The following KIFC2 variants were observed in gnomAD, a reference collection of about 807,000 sequenced individuals.
KIFC2 encodes the protein kinesin family member C2, also known as kinesin-like protein KIFC2.
KIFC2 carries 94 observed loss-of-function variants against 91.5 expected under a neutral mutation model. The observed-to-expected ratio is 1.03, with a 90% CI of 0.87 to 1.22. The LOEUF (loss-of-function observed/expected upper bound fraction) is 1.22, where lower values mean the gene tolerates loss of function less well. KIFC2 is among the 50% of genes most tolerant of loss of function. The probability of loss-of-function intolerance (pLI) is 0.00; values close to 1 mark genes in which losing one functional copy is unlikely to be tolerated. For missense variants in KIFC2, 1,357 were observed against 1,103.3 expected (o/e 1.23, Z -3.26); for synonymous variants, 729 against 503.9 (o/e 1.45, Z -5.98).
rs1359699630 is a variant in KIFC2, at chr8:144,472,680, C to G, written c.1835C>G (p.Ser612Cys). 1 of 1,595,740 alleles carries G rather than the reference C, an allele frequency of 6.3e-7. No homozygotes were observed. The highest frequency in any genetic ancestry group is 8.5e-7 in the Non-Finnish European group (1 of 1,178,134). ...GTCACGCTGACGCTGCGCGCGGCGT[C>G]TCCACCGCGCGCTCCAGGCACCGCA... ...ALVTLTLRAA[S>C]PPRAPGTAGT... Residue 612 changes from serine to cysteine, a missense_variant, in exon 16 of 18, where the codon TCT becomes TGT. Transcript: ENST00000645548.
intron 1 of KIFC2, 106 bp from the exon 2 acceptor site, chr8:144,466,654 C>T: frequency 6.6e-6 from 7 of 1,055,836 alleles, no homozygotes; most frequent in Non-Finnish European, 8.9e-6. Flanking sequence ...GGCCCCGATG[C>T]TGGAAGCGTA....
Position 144,466,535 on chromosome 8 carries a change from G to A in KIFC2, c.99+17G>A, listed in dbSNP as rs1283676909. 5 of 1,186,264 alleles carry A rather than the reference G, an allele frequency of 4.2e-6. No individual in the cohort carries two copies. Among genetic ancestry groups the A allele is most frequent in the South Asian group, 6.0e-5 (2 of 33,144 alleles). The allele number at this position is 1,186,264 out of a possible 1,614,324, so 73.5% of individuals were successfully genotyped here. On this transcript the variant is annotated intron_variant, in intron 1 of 17. Coordinates refer to ENST00000645548, the MANE Select transcript of KIFC2 (RefSeq NM_001369769.2). ...CCCGCCCAGGTGAGCGGGGCTGGCC[G>A]TGCAGCCCGTCGTCTCCCGCCGCCT...
At chr8:144,469,677 C>G in intron 12 of KIFC2, 30 bp downstream of exon 12, 2 of 1,557,846 alleles carry the variant, frequency 1.3e-6, no homozygotes, top group Non-Finnish European at 1.7e-6. Context: ...GCCATCCTGA[C>G]CCTTTTTCAG....
intron 5 of KIFC2, 27 bp downstream of exon 5, chr8:144,467,657 T>A: frequency 6.2e-7 from 1 of 1,605,128 alleles, no homozygotes; most frequent in East Asian, 2.2e-5. Flanking sequence ...CAGAAGGGAT[T>A]GCCGGCTGGG....
intron 1 of KIFC2, 117 bp from the exon 2 acceptor site, chr8:144,466,643 C>A: frequency 2.0e-6 from 2 of 990,862 alleles, no homozygotes; most frequent in Non-Finnish European, 2.7e-6. Flanking sequence ...ACCCTCGGCT[C>A]GGCCCCGATG....
At position 144,467,232 on chromosome 8, in the gene KIFC2, G is replaced by T. The variant is rs763238597; in HGVS notation, c.360G>T (p.Val120=). Residue 120 remains valine (V), a synonymous_variant, in exon 4 of 18, where the codon GTG becomes GTT. Transcript: ENST00000645548. ...GCGAGGTCCCCTCACTGTTGACAGT[G>T]ACCAGTCAGCTCTTGGCCCTTCTGG... is the stretch of plus-strand genomic sequence containing the variant. The part of the protein sequence containing the change: ...QSGEVPSLLT[V]TSQLLALLAW... The T allele has an allele frequency of 2.5e-6, 4 of 1,613,696 alleles. No homozygotes were observed. The highest frequency in any genetic ancestry group is 3.4e-6 in the Non-Finnish European group (4 of 1,180,032).
At position 144,473,188 on chromosome 8, in the gene KIFC2, C is replaced by T. The variant is rs1362754964; in HGVS notation, c.2175C>T (p.Asp725=). The T allele has an allele frequency of 2.5e-6, 4 of 1,582,440 alleles. No homozygotes were observed. The highest frequency in any genetic ancestry group is 2.6e-6 in the Non-Finnish European group (3 of 1,165,074). The change falls in exon 18 of 18, where the codon GAC becomes GAT. Residue 725 remains aspartate, a synonymous_variant. Coordinates refer to ENST00000645548, the MANE Select transcript of KIFC2 (RefSeq NM_001369769.2). The part of the protein sequence containing the change: ...GETVCSLKFA[D]RVGQVELGPA... The stretch of plus-strand genomic sequence containing the variant: ...CAGTCTGCTCCCTCAAGTTCGCCGA[C>T]CGAGTGGGTCAAGTGGAGCTGGGGC...
At chr8:144,471,895 C>G in intron 12 of KIFC2, 47 bp from the exon 13 acceptor site, 1 of 1,567,344 alleles carries the variant, frequency 6.4e-7, no homozygotes, top group Non-Finnish European at 8.8e-7. Context: ...AGGGCATAAA[C>G]AGGCAACGTG....
rs1586726466 is a variant in KIFC2 at position 144,473,586 on chromosome 8, C to G, written c.*197C>G. ...TGTGCCTGCTGAAGTGATCACCCCC[C>G]GCCCCCAGCCCTGCATCAGGCCACA... On this transcript the variant is annotated 3_prime_UTR_variant, in exon 18 of 18. Transcript: ENST00000645548. 22 of 766,630 alleles carry G rather than the reference C, an allele frequency of 2.9e-5. 1 individual carries two copies. The East Asian group carries it at 7.0e-4, about 24-fold the overall frequency. 47.5% of individuals were successfully genotyped at this position (766,630 alleles called of 1,614,324 possible).
At position 144,468,800 on chromosome 8, in the gene KIFC2, G is replaced by A. The variant is rs1173482594; in HGVS notation, c.1079G>A (p.Ser360Asn). ...LRGLVSTFTQ[S>N]CQGSLSEARG... ...GGTTTGGTCAGCACCTTTACCCAGA[G>A]CTGTCAGGGTTCGCTGAGTGAGGCC... Residue 360 changes from serine to asparagine, a missense_variant, in exon 10 of 18, where the codon AGC becomes AAC. By Grantham distance (46) the Ser-to-Asn change is conservative. Coordinates refer to ENST00000645548, the MANE Select transcript of KIFC2 (RefSeq NM_001369769.2). 6 of 1,613,908 alleles carry A rather than the reference G, an allele frequency of 3.7e-6. No homozygotes were observed. In the East Asian group the frequency reaches 8.9e-5, roughly 24 times the overall value.
intron 7 of KIFC2, 130 bp downstream of exon 7, chr8:144,468,117 C>T (rs1824759703): frequency 1.6e-6 from 2 of 1,261,076 alleles, no homozygotes; most frequent in African/African-American, 1.5e-5. Flanking sequence ...ATCAGGGAGG[C>T]TGATGCCAAT....
chr8:144,472,106 TG>T, intron 13 of KIFC2, 31 bp from the exon 14 acceptor site: 1 of 1,612,984 alleles, frequency 6.2e-7, no homozygotes, highest in Non-Finnish European at 8.5e-7. Context: ...GACTTGGATG[TG>T]AGCCCGGTGT....
chr8:144,466,444 A>G lies in KIFC2; in HGVS notation c.25A>G (p.Ile9Val). The G allele has an allele frequency of 7.3e-7, 1 of 1,361,010 alleles. No individual in the cohort carries two copies. Among genetic ancestry groups the G allele is most frequent in the Non-Finnish European group, 9.6e-7 (1 of 1,043,350 alleles). 84.3% of individuals were successfully genotyped at this position (1,361,010 alleles called of 1,614,324 possible). A position where few individuals can be genotyped will look rare whatever the true frequency, so the allele number is the denominator to read the frequency against. The part of the protein sequence containing the change: MYAFYSLL[I>V]YIFYSLFRRD... ...CATGTACGCCTTTTACTCGTTGCTC[A>G]TCTACATCTTCTACAGCCTCTTCCG... Residue 9 changes from isoleucine to valine, a missense_variant, in exon 1 of 18, where the codon ATC (isoleucine) becomes GTC (valine). Transcript: ENST00000645548.
chr8:144,471,509 C>T (rs1022409474), intron 12 of KIFC2, among the ~76,000 whole-genome samples: 6 of 152,106 alleles, frequency 3.9e-5, no homozygotes, highest in Non-Finnish European at 8.8e-5. Context: ...GACGGGATTT[C>T]ACCGTATTGC....
In KIFC2 at chr8:144,473,459, C is replaced by G. The variant is rs1481068547; in HGVS notation, c.*70C>G. 6.7e-7 allele frequency: 1 copy of G among 1,481,854 alleles called. No individual in the cohort carries two copies. The highest frequency in any genetic ancestry group is 1.4e-5 in the African/African-American group (1 of 70,984). 91.8% of individuals were successfully genotyped at this position (1,481,854 alleles called of 1,614,324 possible). A position where few individuals can be genotyped will look rare whatever the true frequency, so the allele number is the denominator to read the frequency against. ...GCTGGCAGAGGCGGTAGTAAAGTCC[C>G]TGTACCCCGTCTCCCAGGGCACAAG... On this transcript the variant is annotated 3_prime_UTR_variant, in exon 18 of 18. Coordinates refer to ENST00000645548, the MANE Select transcript of KIFC2 (RefSeq NM_001369769.2).
Position 144,473,432 on chromosome 8 carries a change from C to T in KIFC2, c.*43C>T, listed in dbSNP as rs1172944908. The T allele has an allele frequency of 1.3e-6, 2 of 1,545,130 alleles. No homozygotes were observed. Among genetic ancestry groups the T allele is most frequent in the Non-Finnish European group, 1.7e-6 (2 of 1,150,664 alleles). On this transcript the variant is annotated 3_prime_UTR_variant, in exon 18 of 18. Transcript: ENST00000645548. ...GCCCATGGGGTCTCAGGCCAGGTCT[C>T]TGCTGGCAGAGGCGGTAGTAAAGTC...
In KIFC2 at chr8:144,467,275, A is replaced by C; in HGVS notation, c.403A>C (p.Arg135=). ...CCTTCTGGCATGGCTTCGAAGCCCC[A>C]GGGGGAGGCAGGCCCTGCTCCAGGG... ...LALLAWLRSP[R]GRQALLQGTQ... Residue 135 remains arginine (R), a synonymous_variant, in exon 4 of 18, where the codon AGG becomes CGG. Transcript: ENST00000645548. The C allele has an allele frequency of 6.2e-7, 1 of 1,613,340 alleles. No individual in the cohort carries two copies. The highest frequency in any genetic ancestry group is 8.5e-7 in the Non-Finnish European group (1 of 1,179,984).
chr8:144,466,369 G>T lies in KIFC2; in HGVS notation c.-51G>T. The stretch of plus-strand genomic sequence containing the variant: ...CGGCGGGCGGGCGCCGAGTCTGGGC[G>T]CGGGGACGCGGGGCGGCGCGAAGCG... On this transcript the variant is annotated 5_prime_UTR_variant, in exon 1 of 18. Coordinates refer to ENST00000645548, the MANE Select transcript of KIFC2 (RefSeq NM_001369769.2). 1 of 771,622 alleles carries T rather than the reference G, an allele frequency of 1.3e-6. No homozygotes were observed. The allele number at this position is 771,622 out of a possible 1,614,324, so 47.8% of individuals were successfully genotyped here. A position where few individuals can be genotyped will look rare whatever the true frequency, so the allele number is the denominator to read the frequency against.
intron 12 of KIFC2, among the ~76,000 whole-genome samples, chr8:144,470,933 C>T (rs566451797): frequency 3.9e-5 from 6 of 152,278 alleles, no homozygotes; most frequent in East Asian, 3.9e-4. Flanking sequence ...AGGTTTGAAC[C>T]GTGCAGTCAC....
Sources: gnomAD v4.1 joint callset for allele counts (sites outside exome capture counted in the v4.1 genomes callset) on GRCh38, gnomAD v4.1.1 for gene constraint, MANE v1.5 for transcripts, NCBI Gene and HGNC (gene_info 2026-07-23, HGNC 2026-07-21) for gene names.